CSGALNACT1: variants seen among roughly 807,000 people sequenced by gnomAD.
CSGALNACT1 encodes the protein beta4GalNAcT-1.
In CSGALNACT1, 52 loss-of-function variants were observed where a neutral mutation model predicts 51.0. The ratio of observed to expected loss-of-function variants is 1.02; its 90% CI spans 0.82 to 1.29. CSGALNACT1 has a LOEUF of 1.29. Ranked by LOEUF, CSGALNACT1 falls within the 50% of genes most tolerant of loss-of-function variation. CSGALNACT1 has a pLI of 0.00. For synonymous variants in CSGALNACT1, 341 were observed against 254.4 expected (o/e 1.34, Z -3.24); for missense variants, 935 against 679.2 (o/e 1.38, Z -4.19).
chr8:19,637,131 A>G (rs918212351), intron 1 of CSGALNACT1, among the ~76,000 whole-genome samples: 5 of 152,146 alleles, frequency 3.3e-5, no homozygotes, highest in African/African-American at 7.2e-5. Context: ...GCTTGAACCC[A>G]GGAGGCAGAG....
exon 4 of CSGALNACT1, chr8:19,505,744 T>C: frequency 6.2e-7 from 1 of 1,614,090 alleles, no homozygotes; most frequent in Non-Finnish European, 8.5e-7. Context: ...CAGGCCAACA[T>C]GTACAGGACA....
chr8:19,444,145 C>T (rs371819595), intron 5 of CSGALNACT1, among the ~76,000 whole-genome samples: 32 of 152,322 alleles, frequency 2.1e-4, no homozygotes, highest in African/African-American at 7.7e-4. Flanking sequence ...GGTGTGTGGA[C>T]CAGGAGTTGG....
intron 6 of CSGALNACT1, among the ~76,000 whole-genome samples, chr8:19,438,345 C>A (rs946619564): frequency 1.3e-5 from 2 of 152,178 alleles, no homozygotes; most frequent in African/African-American, 2.4e-5. Flanking sequence ...TTGACAGAGA[C>A]GTTAAAACCT....
intron 1 of CSGALNACT1, among the ~76,000 whole-genome samples, chr8:19,706,388 C>T (rs2062165631): frequency 1.3e-5 from 2 of 152,276 alleles, no homozygotes; most frequent in African/African-American, 2.4e-5. Flanking sequence ...AGGAAAACTG[C>T]GGCGGAGGCT....
chr8:19,553,253 A>G (rs1373725952), intron 3 of CSGALNACT1, among the ~76,000 whole-genome samples: 1 of 152,084 alleles, frequency 6.6e-6, no homozygotes, highest in Non-Finnish European at 1.5e-5. Context: ...AACCCCAAAG[A>G]TTGGTCCACT....
chr8:19,733,035 C>A (rs935974211), intron 1 of CSGALNACT1, among the ~76,000 whole-genome samples: 10 of 152,106 alleles, frequency 6.6e-5, no homozygotes, highest in Non-Finnish European at 1.5e-4. Flanking sequence ...CATCCCTTTA[C>A]CCTGTTATAT....
At chr8:19,622,246 G>C (rs1271978079) in intron 1 of CSGALNACT1, among the ~76,000 whole-genome samples, 2 of 152,176 alleles carry the variant, frequency 1.3e-5, no homozygotes, top group African/African-American at 4.8e-5. Flanking sequence ...CACGGTGGTT[G>C]TTTTATTGTT....
At chr8:19,551,982 TC>T (rs2088232241) in intron 3 of CSGALNACT1, among the ~76,000 whole-genome samples, 1 of 152,184 alleles carries the variant, frequency 6.6e-6, no homozygotes, top group African/African-American at 2.4e-5. Flanking sequence ...AGGGTATCAT[TC>T]CTTTAGGTTA....
chr8:19,460,233 G>A (rs755700126), intron 4 of CSGALNACT1, among the ~76,000 whole-genome samples: 1 of 152,122 alleles, frequency 6.6e-6, no homozygotes, highest in East Asian at 1.9e-4. Flanking sequence ...AATACCTTTT[G>A]AGAGTGAGAG....
intron 4 of CSGALNACT1, among the ~76,000 whole-genome samples, chr8:19,467,645 T>C (rs1271186730): frequency 6.6e-6 from 1 of 152,054 alleles, no homozygotes; most frequent in African/African-American, 2.4e-5. Context: ...TTTATTAATT[T>C]TTTTCGCATG....
intron 4 of CSGALNACT1, among the ~76,000 whole-genome samples, chr8:19,499,022 G>C (rs894229465): frequency 6.6e-6 from 1 of 152,200 alleles, no homozygotes; most frequent in African/African-American, 2.4e-5. Flanking sequence ...AGCCGAGGTG[G>C]AGGAATCACT....
chr8:19,683,720 A>G (rs1393423064), upstream of CSGALNACT1, among the ~76,000 whole-genome samples: 1 of 152,244 alleles, frequency 6.6e-6, no homozygotes, highest in Non-Finnish European at 1.5e-5. Context: ...TAATCTAATT[A>G]AATCCCAAAA....
In CSGALNACT1 at chr8:19,653,746, C is replaced by T. The variant is rs147724125; in HGVS notation, c.-544+28727G>A. ...GGGATCAAGGCTACAATCGGTGAAC[C>T]GTGATTTTGCCACTGCACTCCAGCA... On this transcript the variant is annotated intron_variant, in intron 1 of 9. Coordinates refer to the CSGALNACT1 transcript ENST00000332246. Among the ~76,000 whole-genome samples the T allele has an allele frequency of 2.7e-3, 413 of 151,720 alleles. 6 individuals carry two copies. The South Asian group carries it at 0.048, about 18-fold the overall frequency.
At chr8:19,511,929 C>T (rs1264912486) in intron 3 of CSGALNACT1, among the ~76,000 whole-genome samples, 2 of 152,164 alleles carry the variant, frequency 1.3e-5, no homozygotes. Flanking sequence ...ACAACCAGAT[C>T]TTGCGAAAAC....
At chr8:19,477,938 C>G (rs565004064) in intron 4 of CSGALNACT1, among the ~76,000 whole-genome samples, 7 of 152,282 alleles carry the variant, frequency 4.6e-5, no homozygotes, top group African/African-American at 1.7e-4. Flanking sequence ...GTTAGACAGT[C>G]AAATATATTT....
chr8:19,666,819 GAGAGAGAGAGAGAGAAAGAA>G (rs1564383372), intron 1 of CSGALNACT1, among the ~76,000 whole-genome samples: 22 of 54,380 alleles, frequency 4.0e-4, no homozygotes, highest in South Asian at 1.1e-3. Context: ...AAGAGAGAGA[GAGAGAGAGAGAGAGAAAGAA>G]AGAAAGAAAG....
At chr8:19,473,917 T>G (rs1042294447) in intron 4 of CSGALNACT1, among the ~76,000 whole-genome samples, 4 of 152,212 alleles carry the variant, frequency 2.6e-5, no homozygotes, top group Non-Finnish European at 5.9e-5. Flanking sequence ...TAAAATGAAT[T>G]GACCTGTATT....
chr8:19,543,074 AC>A (rs1209639093), intron 3 of CSGALNACT1, among the ~76,000 whole-genome samples: 3 of 152,162 alleles, frequency 2.0e-5, no homozygotes, highest in African/African-American at 7.2e-5. Context: ...GCAAAATATA[AC>A]CCAGATTATG....
intron 4 of CSGALNACT1, among the ~76,000 whole-genome samples, chr8:19,501,329 T>C (rs942631062): frequency 6.6e-6 from 1 of 151,970 alleles, no homozygotes; most frequent in Non-Finnish European, 1.5e-5. Flanking sequence ...CTTAATCCCT[T>C]ATATATATGA....
Sources: allele counts gnomAD v4.1 joint callset (sites outside exome capture counted in the v4.1 genomes callset), GRCh38; gene constraint gnomAD v4.1.1; transcripts MANE v1.5; gene names NCBI Gene and HGNC (gene_info 2026-07-23, HGNC 2026-07-21).